Variants in LRRTM4 observed in about 807,000 individuals in gnomAD.
LRRTM4 encodes leucine rich repeat transmembrane neuronal 4, also known as leucine-rich repeat transmembrane neuronal protein 4.
A neutral mutation model predicts 47.6 loss-of-function variants in LRRTM4; 25 were observed. That is an observed-to-expected ratio of 0.53 (90% confidence interval 0.38 to 0.73). The LOEUF is 0.73. Among genes scored for constraint, LRRTM4 ranks in the 30% least tolerant of loss-of-function variants. LRRTM4 has a pLI of 0.00. For missense variants in LRRTM4, 638 were observed against 713.4 expected (o/e 0.89, Z 1.20); for synonymous variants, 311 against 269.5 (o/e 1.15, Z -1.51).
intron 3 of LRRTM4, among the ~76,000 whole-genome samples, chr2:77,183,531 C>G (rs1267970781): frequency 6.6e-6 from 1 of 152,114 alleles, no homozygotes; most frequent in Non-Finnish European, 1.5e-5. Context: ...GGCAATTCCT[C>G]AGGGATCTAG....
At chr2:76,899,115 G>A (rs367899794) in intron 3 of LRRTM4, among the ~76,000 whole-genome samples, 1 of 151,950 alleles carries the variant, frequency 6.6e-6, no homozygotes, top group South Asian at 2.1e-4. Context: ...ATGAATAATT[G>A]ATCAAAAGAT....
At chr2:77,424,178 C>T (rs1675016788) in intron 3 of LRRTM4, among the ~76,000 whole-genome samples, 1 of 152,122 alleles carries the variant, frequency 6.6e-6, no homozygotes, top group Admixed American at 6.5e-5. Flanking sequence ...TATTGCTCAA[C>T]CTCTTAGCAA....
chr2:76,887,665 T>TTA (rs968862900), intron 3 of LRRTM4, among the ~76,000 whole-genome samples: 4 of 150,110 alleles, frequency 2.7e-5, no homozygotes, highest in African/African-American at 4.9e-5. Context: ...ATGTTTGTAT[T>TTA]TATATATATA....
At chr2:77,392,636 AC>A (rs1467224615) in intron 3 of LRRTM4, among the ~76,000 whole-genome samples, 1 of 151,952 alleles carries the variant, frequency 6.6e-6, no homozygotes, top group East Asian at 1.9e-4. Flanking sequence ...AACAAATACC[AC>A]ATGATCTCAC....
At chr2:77,506,722 C>T (rs1678790704) in intron 3 of LRRTM4, among the ~76,000 whole-genome samples, 1 of 151,852 alleles carries the variant, frequency 6.6e-6, no homozygotes, top group African/African-American at 2.4e-5. Flanking sequence ...TTTCTGGCCA[C>T]TTATTCTCTT....
Position 76,781,507 on chromosome 2 carries a change from A to G in LRRTM4, c.1552-32591T>C, listed in dbSNP as rs553487791. On this transcript the variant is annotated intron_variant, in intron 3 of 3. Transcript: ENST00000409884. ...AAAGCGCAGTATTCGGGTGGGAGTGACCCGATTTTCCAGGTGCGGTGCATC... is the reference window on the plus strand; with the variant it reads ...AAAGCGCAGTATTCGGGTGGGAGTGGCCCGATTTTCCAGGTGCGGTGCATC... Among the ~76,000 whole-genome samples the G allele has an allele frequency of 8.5e-5, 13 of 152,254 alleles. 1 individual carries two copies. In the East Asian group the frequency reaches 2.5e-3, roughly 29 times the overall value.
chr2:77,092,287 C>G (rs1262647166), intron 3 of LRRTM4, among the ~76,000 whole-genome samples: 2 of 151,940 alleles, frequency 1.3e-5, no homozygotes, highest in Admixed American at 1.3e-4. Context: ...TCTCTGTGAT[C>G]CACCTGACAT....
At chr2:77,210,110 T>C (rs776380473) in intron 3 of LRRTM4, among the ~76,000 whole-genome samples, 3 of 152,218 alleles carry the variant, frequency 2.0e-5, no homozygotes, top group Non-Finnish European at 4.4e-5. Flanking sequence ...TTAATAATGT[T>C]GCTGCTGCTG....
At chr2:76,780,766 G>A (rs1324637164) in intron 3 of LRRTM4, among the ~76,000 whole-genome samples, 1 of 152,130 alleles carries the variant, frequency 6.6e-6, no homozygotes, top group Admixed American at 6.6e-5. Flanking sequence ...GCTTGTCAAA[G>A]TCATTCTCCA....
In LRRTM4 at chr2:77,411,422, T is replaced by TTC. The variant is rs1182530329; in HGVS notation, c.1551+106894_1551+106895dup. The stretch of plus-strand genomic sequence containing the variant: ...TCTTCTTTATTTCTCTCTTTCTTGT[T>TTC]TCTCTCTCTCTCTCTCTCTCTCTTT... On this transcript the variant is annotated intron_variant, in intron 3 of 3. Transcript: ENST00000409884. Among the ~76,000 whole-genome samples, 417 of 94,326 alleles carry TTC rather than the reference T, an allele frequency of 4.4e-3. 1 individual carries two copies. Among genetic ancestry groups the TTC allele is most frequent in the African/African-American group, 0.011 (360 of 32,182 alleles). The allele number at this position is 94,326 out of a possible 152,430, so 61.9% of individuals were successfully genotyped here. A position where few individuals can be genotyped will look rare whatever the true frequency, so the allele number is the denominator to read the frequency against.
At chr2:77,226,889 T>C (rs1674829326) in intron 3 of LRRTM4, among the ~76,000 whole-genome samples, 1 of 151,976 alleles carries the variant, frequency 6.6e-6, no homozygotes, top group African/African-American at 2.4e-5. Flanking sequence ...GTGCATACAG[T>C]GTACCTCTAA....
intron 3 of LRRTM4, among the ~76,000 whole-genome samples, chr2:77,101,001 A>G (rs1457232658): frequency 6.6e-6 from 1 of 151,958 alleles, no homozygotes; most frequent in Non-Finnish European, 1.5e-5. Context: ...ATGCCCAGCT[A>G]AATTTTGTAT....
chr2:77,228,348 C>T (rs1674870783), intron 3 of LRRTM4, among the ~76,000 whole-genome samples: 1 of 152,064 alleles, frequency 6.6e-6, no homozygotes, highest in Non-Finnish European at 1.5e-5. Context: ...CTGGTTTTGT[C>T]CCACCTTGAG....
intron 3 of LRRTM4, among the ~76,000 whole-genome samples, chr2:77,391,582 C>G (rs1673505465): frequency 6.6e-6 from 1 of 151,816 alleles, no homozygotes; most frequent in Non-Finnish European, 1.5e-5. Context: ...CCTCGTATGC[C>G]AAGAAGTGTG....
rs1393633441 is a variant in LRRTM4, at chr2:76,789,853, T to TTTTAC, written c.1552-40942_1552-40938dup. 1.1e-4 allele frequency among the ~76,000 whole-genome samples: 16 copies of TTTTAC among 152,306 alleles called. No individual in the cohort carries two copies. The East Asian group carries it at 3.1e-3, about 29-fold the overall frequency. ...CCTGGGTGGGAGATAACTGAGTCTT[T>TTTTAC]TTTACTTTAGGGAAATTATCAGCAC... On this transcript the variant is annotated intron_variant, in intron 3 of 3. Coordinates refer to ENST00000409884, the MANE Select transcript of LRRTM4 (RefSeq NM_001134745.3).
intron 3 of LRRTM4, among the ~76,000 whole-genome samples, chr2:76,790,791 T>A (rs192367280): frequency 2.5e-3 from 373 of 152,150 alleles, no homozygotes; most frequent in African/African-American, 8.7e-3. Flanking sequence ...TTTGATATAA[T>A]TTCACTGTTT....
intron 3 of LRRTM4, among the ~76,000 whole-genome samples, chr2:77,020,229 T>C (rs1034426421): frequency 3.9e-5 from 6 of 151,942 alleles, no homozygotes; most frequent in African/African-American, 1.4e-4. Flanking sequence ...AAATAAAAAA[T>C]AAAAACCTTA....
Position 76,928,661 on chromosome 2 carries a change from T to C in LRRTM4, c.1552-179745A>G, listed in dbSNP as rs979055683. Among the ~76,000 whole-genome samples the C allele has an allele frequency of 7.9e-5, 12 of 152,218 alleles. No homozygotes were observed. The East Asian group carries it at 2.1e-3, about 27-fold the overall frequency. On this transcript the variant is annotated intron_variant, in intron 3 of 3. Transcript: ENST00000409884. ...GAAACCAACTCACCTTCTTTTTACA[T>C]GAATAGGAAAATAAAACTGTAACCC... is the stretch of plus-strand genomic sequence containing the variant.
intron 3 of LRRTM4, among the ~76,000 whole-genome samples, chr2:77,098,155 C>T (rs1325061930): frequency 1.3e-5 from 2 of 151,940 alleles, no homozygotes; most frequent in Non-Finnish European, 2.9e-5. Context: ...TCATTCTAAA[C>T]CTAGAACTTG....
Sources: gnomAD v4.1 joint callset for allele counts (sites outside exome capture counted in the v4.1 genomes callset) on GRCh38, gnomAD v4.1.1 for gene constraint, MANE v1.5 for transcripts, NCBI Gene and HGNC (gene_info 2026-07-23, HGNC 2026-07-21) for gene names.